The following CHST11 variants were observed in gnomAD, a reference collection of about 807,000 sequenced individuals.
CHST11 encodes the protein carbohydrate sulfotransferase 11.
A neutral mutation model predicts 30.4 loss-of-function variants in CHST11; 9 were observed. That is an observed-to-expected ratio of 0.30 (90% CI 0.18 to 0.52). The LOEUF (loss-of-function observed/expected upper bound fraction) is 0.52. CHST11 is among the 20% of genes least tolerant of loss of function. CHST11 has a pLI of 0.97. For missense variants in CHST11, 348 were observed against 460.6 expected (o/e 0.76, Z 2.24); for synonymous variants, 152 against 187.8 (o/e 0.81, Z 1.56).
chr12:104,650,477 G>C (rs1204073877), intron 2 of CHST11, among the ~76,000 whole-genome samples: 1 of 152,198 alleles, frequency 6.6e-6, no homozygotes, highest in East Asian at 1.9e-4. Flanking sequence ...TCAGATGCTT[G>C]CCAAGTTAAT....
intron 2 of CHST11, among the ~76,000 whole-genome samples, chr12:104,710,446 G>A (rs1335548285): frequency 1.3e-5 from 2 of 152,024 alleles, no homozygotes; most frequent in East Asian, 1.9e-4. Flanking sequence ...CTTCATTCCC[G>A]CTTGCGGTTC....
At chr12:104,545,348 T>G (rs572837203) in intron 1 of CHST11, among the ~76,000 whole-genome samples, 7 of 152,236 alleles carry the variant, frequency 4.6e-5, no homozygotes, top group Non-Finnish European at 8.8e-5. Flanking sequence ...TCAGGTGTTG[T>G]GACCCATGGA....
At chr12:104,539,218 A>G (rs1049151932) in intron 1 of CHST11, among the ~76,000 whole-genome samples, 3 of 152,044 alleles carry the variant, frequency 2.0e-5, no homozygotes, top group South Asian at 4.2e-4. Flanking sequence ...CCACAGCCAT[A>G]TTGTTTATTC....
At chr12:104,647,616 C>T (rs1166214034) in intron 2 of CHST11, among the ~76,000 whole-genome samples, 2 of 152,026 alleles carry the variant, frequency 1.3e-5, no homozygotes, top group Non-Finnish European at 2.9e-5. Flanking sequence ...TGCTAAATAT[C>T]GTTTCAAAAT....
chr12:104,666,003 A>G (rs914039206), intron 2 of CHST11, among the ~76,000 whole-genome samples: 3 of 151,720 alleles, frequency 2.0e-5, no homozygotes, highest in Non-Finnish European at 4.4e-5. Flanking sequence ...GTATTTTAAT[A>G]GAGATGGGGT....
intron 2 of CHST11, among the ~76,000 whole-genome samples, chr12:104,642,204 A>G (rs1166025222): frequency 2.0e-5 from 3 of 152,204 alleles, no homozygotes; most frequent in Non-Finnish European, 1.5e-5. Context: ...GGCAGTAATT[A>G]AAGGATGGTA....
At chr12:104,653,845 T>C (rs1396764432) in intron 2 of CHST11, among the ~76,000 whole-genome samples, 4 of 152,322 alleles carry the variant, frequency 2.6e-5, no homozygotes, top group East Asian at 1.9e-4. Context: ...CCTGGCCATC[T>C]GGCTCTAGGT....
chr12:104,709,422 G>C (rs2040065308), intron 2 of CHST11, among the ~76,000 whole-genome samples: 1 of 152,214 alleles, frequency 6.6e-6, no homozygotes, highest in Admixed American at 6.5e-5. Context: ...TCCGGTAGAG[G>C]GACAGGCACT....
intron 1 of CHST11, among the ~76,000 whole-genome samples, chr12:104,463,667 A>T (rs964683398): frequency 4.6e-5 from 7 of 152,220 alleles, no homozygotes; most frequent in Non-Finnish European, 8.8e-5. Flanking sequence ...AAAACAAAAC[A>T]GAGAAGATGG....
intron 2 of CHST11, among the ~76,000 whole-genome samples, chr12:104,688,631 A>G (rs984682274): frequency 3.9e-5 from 6 of 152,250 alleles, no homozygotes; most frequent in Non-Finnish European, 8.8e-5. Flanking sequence ...CTTCAGAAAT[A>G]TGTGAAAAAT....
chr12:104,530,537 G>C (rs1318232790), intron 1 of CHST11, among the ~76,000 whole-genome samples: 1 of 152,232 alleles, frequency 6.6e-6, no homozygotes, highest in African/African-American at 2.4e-5. Context: ...AGGGAGACTA[G>C]AGCATAAAGT....
At chr12:104,503,305 A>T (rs1173851503) in intron 1 of CHST11, among the ~76,000 whole-genome samples, 1 of 152,214 alleles carries the variant, frequency 6.6e-6, no homozygotes, top group Non-Finnish European at 1.5e-5. Flanking sequence ...TGGTAGGAGT[A>T]TGTCCATTCA....
Position 104,729,627 on chromosome 12 carries a change from G to A in CHST11, c.205-27322G>A, listed in dbSNP as rs904357197. On this transcript the variant is annotated intron_variant, in intron 2 of 2. Transcript: ENST00000303694. The surrounding 1 kb of genome is among the most constrained non-coding windows in gnomAD (Gnocchi z 4.0). ...AGGTGCCATGAGTGACAGAAGCAGC[G>A]TAAGGTCTAGCGTATTGTCTTCTCG... 2.0e-5 allele frequency among the ~76,000 whole-genome samples: 3 copies of A among 152,178 alleles called. No homozygotes were observed. Among genetic ancestry groups the A allele is most frequent in the Non-Finnish European group, 2.9e-5 (2 of 68,036 alleles).
intron 1 of CHST11, among the ~76,000 whole-genome samples, chr12:104,575,044 A>G (rs981984472): frequency 1.3e-5 from 2 of 151,852 alleles, no homozygotes; most frequent in Non-Finnish European, 2.9e-5. Context: ...ATACAAAGAA[A>G]TGAGCCGGCG....
At chr12:104,722,101 C>T (rs967229542) in intron 2 of CHST11, among the ~76,000 whole-genome samples, 1 of 151,700 alleles carries the variant, frequency 6.6e-6, no homozygotes, top group Non-Finnish European at 1.5e-5. Flanking sequence ...CCATCCGCTC[C>T]CCTCAGTCCC....
intron 2 of CHST11, among the ~76,000 whole-genome samples, chr12:104,750,452 T>TTTTTTTTTTTTTTTTTTTTTTTG (rs1566064718): frequency 1.8e-5 from 2 of 113,522 alleles, no homozygotes; most frequent in African/African-American, 7.2e-5. Flanking sequence ...TTTTTTTTTT[T>TTTTTTTTTTTTTTTTTTTTTTTG]TTTTGTTGAG....
At chr12:104,495,324 G>A (rs2037789122) in intron 1 of CHST11, among the ~76,000 whole-genome samples, 1 of 152,020 alleles carries the variant, frequency 6.6e-6, no homozygotes, top group Admixed American at 6.6e-5. Flanking sequence ...CAATTCTTTT[G>A]AAAGAATTGA....
intron 2 of CHST11, among the ~76,000 whole-genome samples, chr12:104,623,680 A>G (rs969627282): frequency 2.0e-5 from 3 of 152,058 alleles, no homozygotes; most frequent in African/African-American, 7.2e-5. Context: ...ACTGTCACCC[A>G]GCCGAGATCG....
At chr12:104,556,297 GC>G (rs532759471) in intron 1 of CHST11, among the ~76,000 whole-genome samples, 23 of 152,206 alleles carry the variant, frequency 1.5e-4, no homozygotes, top group African/African-American at 5.3e-4. Context: ...TGGCTCCAAA[GC>G]CCCCCTTTTC....
Sources: allele counts gnomAD v4.1 joint callset (sites outside exome capture counted in the v4.1 genomes callset), GRCh38; gene constraint gnomAD v4.1.1; non-coding constraint Gnocchi (gnomAD v3.1); transcripts MANE v1.5; gene names NCBI Gene and HGNC (gene_info 2026-07-23, HGNC 2026-07-21).